The following MAP1B variants were observed in gnomAD, a reference collection of about 807,000 sequenced individuals.
MAP1B encodes microtubule-associated protein 1B.
Under a neutral mutation model 176.1 loss-of-function variants are expected in MAP1B, and 12 were observed. That is an observed-to-expected ratio of 0.07 (90% confidence interval 0.04 to 0.11). MAP1B has a LOEUF of 0.11. Ranked by LOEUF, MAP1B falls within the 10% of genes least tolerant of loss-of-function variation. The pLI, the probability that MAP1B is intolerant of heterozygous loss-of-function variation, is 1.00. For synonymous variants in MAP1B, 1,044 were observed against 1,135.0 expected, an observed-to-expected ratio of 0.92 and a Z score of 1.61; for missense variants, 2,523 against 2,990.5, an observed-to-expected ratio of 0.84 and a Z score of 3.65.
At position 72,195,820 on chromosome 5, in the gene MAP1B, A is replaced by G. The variant is rs1409838459; in HGVS notation, c.2465A>G (p.Glu822Gly). Residue 822 changes from glutamate (E) to glycine (G), a missense_variant, in exon 5 of 7, where the codon GAA becomes GGA. Physicochemically the swap from Glu to Gly is moderately conservative, Grantham distance 98. This residue lies in a region of MAP1B where 1,925 missense variants were observed against 2,126.0 expected (regional missense o/e 0.91). Coordinates refer to ENST00000296755, the MANE Select transcript of MAP1B (RefSeq NM_005909.5). Reference sequence around the variant, plus strand: ...ATAGCAGCCATTGGCCCTGCCAAAGAACTCGAAGCTGAGAGGTCCCTTATG... The same window carrying G: ...ATAGCAGCCATTGGCCCTGCCAAAGGACTCGAAGCTGAGAGGTCCCTTATG... The part of the protein sequence containing the change: ...AGIAAIGPAK[E>G]LEAERSLMSS... The G allele has an allele frequency of 6.2e-7, 1 of 1,614,128 alleles. No homozygotes were observed. The highest frequency in any genetic ancestry group is 1.3e-5 in the African/African-American group (1 of 74,952).
chr5:72,155,383 C>T (rs12654252), intron 2 of MAP1B, among the ~76,000 whole-genome samples: 18,175 of 152,174 alleles, frequency 0.12, 1,142 homozygotes, highest in African/African-American at 0.15. Context: ...TGTGATTCAT[C>T]GAGACTGTGT....
intron 2 of MAP1B, among the ~76,000 whole-genome samples, chr5:72,167,661 G>C (rs757189077): frequency 1.3e-5 from 2 of 152,220 alleles, no homozygotes; most frequent in Non-Finnish European, 2.9e-5. Context: ...AATGAAGCAA[G>C]AGTGCACAGA....
At position 72,196,885 on chromosome 5, in the gene MAP1B, C is replaced by G; in HGVS notation, c.3530C>G (p.Pro1177Arg). 6.2e-7 allele frequency: 1 copy of G among 1,614,202 alleles called. No individual in the cohort carries two copies. Among genetic ancestry groups the G allele is most frequent in the Admixed American group, 1.7e-5 (1 of 60,032 alleles). Reference protein sequence around the residue: ...SSLYSQEYSKPADVTPLNGFS... With the variant: ...SSLYSQEYSKRADVTPLNGFS... ...TTGTATTCTCAGGAATACTCTAAAC[C>G]TGCTGATGTTACACCGCTCAACGGA... Residue 1177 changes from proline to arginine, a missense_variant, in exon 5 of 7, where the codon CCT becomes CGT. Pro to Arg is a moderately radical substitution (Grantham distance 103). This residue lies in a region of MAP1B where 1,925 missense variants were observed against 2,126.0 expected (regional missense o/e 0.91). Transcript: ENST00000296755. The surrounding 1 kb of genome is among the most constrained non-coding windows in gnomAD (Gnocchi z 5.3).
chr5:72,110,978 A>G (rs1745324145), intron 1 of MAP1B, among the ~76,000 whole-genome samples: 1 of 152,200 alleles, frequency 6.6e-6, no homozygotes, highest in African/African-American at 2.4e-5. Context: ...AGCTTTGGAC[A>G]TGTCTCCTCC....
At chr5:72,193,509 C>T (rs528189203) in intron 4 of MAP1B, among the ~76,000 whole-genome samples, 20 of 152,242 alleles carry the variant, frequency 1.3e-4, no homozygotes, top group African/African-American at 4.1e-4. Flanking sequence ...ATAACCACTG[C>T]AGCACAATCC....
chr5:72,160,276 A>C (rs1472624923), intron 2 of MAP1B, among the ~76,000 whole-genome samples: 1 of 152,166 alleles, frequency 6.6e-6, no homozygotes, highest in Non-Finnish European at 1.5e-5. Context: ...GTTTTGGAAA[A>C]GACTCTGAAA....
At chr5:72,165,845 T>TAGGG (rs1746417501) in intron 2 of MAP1B, among the ~76,000 whole-genome samples, 1 of 152,150 alleles carries the variant, frequency 6.6e-6, no homozygotes, top group Non-Finnish European at 1.5e-5. Context: ...GGAGACACCG[T>TAGGG]GATAGAGCAT....
chr5:72,132,212 G>A (rs1402839432), intron 2 of MAP1B, among the ~76,000 whole-genome samples: 1 of 152,122 alleles, frequency 6.6e-6, no homozygotes, highest in Admixed American at 6.5e-5. Context: ...TCTCAGTAGC[G>A]TGTGCACAAA....
chr5:72,135,414 T>C (rs1167296611), intron 2 of MAP1B, among the ~76,000 whole-genome samples: 5 of 152,150 alleles, frequency 3.3e-5, no homozygotes, highest in Admixed American at 3.3e-4. Context: ...TTTTTTTCTC[T>C]CTCTCTCTCA....
chr5:72,198,941 G>A lies in MAP1B; in HGVS notation c.5586G>A (p.Gly1862=), dbSNP rs779616872. The A allele has an allele frequency of 1.9e-6, 3 of 1,614,200 alleles. No individual in the cohort carries two copies. In the South Asian group the frequency reaches 3.3e-5, roughly 18 times the overall value. Residue 1862 remains glycine, a synonymous_variant, in exon 5 of 7, where the codon GGG becomes GGA. Transcript: ENST00000296755. ...CTGGCCTGGAGAAGGACAGTGGAGG[G>A]AAGACACCTGGTGACTTTAGCTATG... is the stretch of plus-strand genomic sequence containing the variant. The part of the protein sequence containing the change: ...STPGLEKDSG[G]KTPGDFSYAY...
At position 72,196,388 on chromosome 5, in the gene MAP1B, A is replaced by T; in HGVS notation, c.3033A>T (p.Gly1011=). The T allele has an allele frequency of 1.2e-6, 2 of 1,614,016 alleles. No homozygotes were observed. Among genetic ancestry groups the T allele is most frequent in the Non-Finnish European group, 1.7e-6 (2 of 1,180,014 alleles). Residue 1011 remains glycine, a synonymous_variant, in exon 5 of 7, where the codon GGA becomes GGT. Coordinates refer to ENST00000296755, the MANE Select transcript of MAP1B (RefSeq NM_005909.5). This position sits in a 1 kb window ranked among gnomAD's most constrained non-coding sequence, Gnocchi z 5.3. ...EEDMDEAIEK[G]EAEQSEEEAD... is the part of the protein sequence containing the mutation. The stretch of plus-strand genomic sequence containing the variant: ...ACATGGATGAGGCCATTGAGAAAGG[A>T]GAGGCTGAACAATCTGAAGAGGAGG...
In MAP1B at chr5:72,199,081, T is replaced by C. The variant is rs1196748473; in HGVS notation, c.5726T>C (p.Ile1909Thr). The change falls in exon 5 of 7, where the codon ATA becomes ACA. Residue 1909 changes from isoleucine to threonine, a missense_variant. This residue lies in a region of MAP1B where 1,925 missense variants were observed against 2,126.0 expected (regional missense o/e 0.91). Coordinates refer to ENST00000296755, the MANE Select transcript of MAP1B (RefSeq NM_005909.5). The surrounding 1 kb of genome is among the most constrained non-coding windows in gnomAD (Gnocchi z 4.2). ...SDVGGYYYEK[I>T]ERTTKSPSDS... ...GTGGGTGGCTATTACTATGAGAAGA[T>C]AGAGAGAACCACAAAATCTCCAAGT... is the stretch of plus-strand genomic sequence containing the variant. 5 of 1,613,914 alleles carry C rather than the reference T, an allele frequency of 3.1e-6. No individual in the cohort carries two copies. The highest frequency in any genetic ancestry group is 1.3e-5 in the African/African-American group (1 of 74,884).
intron 2 of MAP1B, among the ~76,000 whole-genome samples, chr5:72,154,780 C>G (rs1395075318): frequency 6.6e-6 from 1 of 152,232 alleles, no homozygotes; most frequent in Non-Finnish European, 1.5e-5. Context: ...CACTGAGCAT[C>G]TCACTGGTTC....
rs1384078935 is a variant in MAP1B at position 72,198,948 on chromosome 5, C to G, written c.5593C>G (p.Pro1865Ala). 1 of 1,614,074 alleles carries G rather than the reference C, an allele frequency of 6.2e-7. No individual in the cohort carries two copies. Among genetic ancestry groups the G allele is most frequent in the Non-Finnish European group, 8.5e-7 (1 of 1,180,040 alleles). The change falls in exon 5 of 7, where the codon CCT becomes GCT. Residue 1865 changes from proline to alanine, a missense_variant. Physicochemically the swap from Pro to Ala is conservative, Grantham distance 27. Coordinates refer to ENST00000296755, the MANE Select transcript of MAP1B (RefSeq NM_005909.5). ...GLEKDSGGKT[P>A]GDFSYAYQKP... Reference sequence around the variant, plus strand: ...GGAGAAGGACAGTGGAGGGAAGACACCTGGTGACTTTAGCTATGCCTATCA... The same window carrying G: ...GGAGAAGGACAGTGGAGGGAAGACAGCTGGTGACTTTAGCTATGCCTATCA...
chr5:72,155,410 G>A (rs1428019388), intron 2 of MAP1B, among the ~76,000 whole-genome samples: 1 of 152,160 alleles, frequency 6.6e-6, no homozygotes, highest in African/African-American at 2.4e-5. Context: ...AAAAATGGAG[G>A]TTATAGTTTT....
rs1747181797 is a variant in MAP1B at position 72,196,816 on chromosome 5, C to T, written c.3461C>T (p.Ser1154Phe). ...GAGACCAACAATGAAGAGACGGAGT[C>T]CCCTTCTCAGGAATTCGTAAATATC... is the stretch of plus-strand genomic sequence containing the variant. The part of the protein sequence containing the change: ...SDETNNEETE[S>F]PSQEFVNITK... The change falls in exon 5 of 7, where the codon TCC becomes TTC. Residue 1154 changes from serine (S) to phenylalanine (F), a missense_variant. By Grantham distance (155) the Ser-to-Phe change is radical. This residue lies in a region of MAP1B where 1,925 missense variants were observed against 2,126.0 expected (regional missense o/e 0.91). Transcript: ENST00000296755. This position sits in a 1 kb window ranked among gnomAD's most constrained non-coding sequence, Gnocchi z 5.3. 2 of 1,613,966 alleles carry T rather than the reference C, an allele frequency of 1.2e-6. No individual in the cohort carries two copies. Among genetic ancestry groups the T allele is most frequent in the Non-Finnish European group, 1.7e-6 (2 of 1,179,846 alleles).
intron 2 of MAP1B, among the ~76,000 whole-genome samples, chr5:72,161,553 AGTG>A (rs1375104363): frequency 6.6e-6 from 1 of 152,226 alleles, no homozygotes; most frequent in Non-Finnish European, 1.5e-5. Flanking sequence ...GAAGAGTCAC[AGTG>A]GCATTCCTGA....
chr5:72,130,296 A>C (rs1019585002), intron 2 of MAP1B, among the ~76,000 whole-genome samples: 1 of 152,146 alleles, frequency 6.6e-6, no homozygotes, highest in Non-Finnish European at 1.5e-5. Context: ...CTTTTTCCCA[A>C]TGTCAACTGA....
chr5:72,152,064 T>C (rs2112167316), intron 2 of MAP1B, among the ~76,000 whole-genome samples: 1 of 152,290 alleles, frequency 6.6e-6, no homozygotes, highest in South Asian at 2.1e-4. Context: ...TTTCCTGATC[T>C]CTCCAGGTTT....
Sources: allele counts gnomAD v4.1 joint callset (sites outside exome capture counted in the v4.1 genomes callset), GRCh38; gene constraint gnomAD v4.1.1; regional missense constraint gnomAD v4.1.1; non-coding constraint Gnocchi (gnomAD v3.1); transcripts MANE v1.5; gene names NCBI Gene and HGNC (gene_info 2026-07-23, HGNC 2026-07-21).